THSD4: variants seen among roughly 807,000 people sequenced by gnomAD.
THSD4 encodes thrombospondin type-1 domain-containing protein 4.
Under a neutral mutation model 119.0 loss-of-function variants are expected in THSD4, and 69 were observed. The ratio of observed to expected loss-of-function variants is 0.58; its 90% CI spans 0.48 to 0.71. THSD4 has a LOEUF of 0.71. Ranked by LOEUF, THSD4 falls within the 30% of genes least tolerant of loss-of-function variation. The probability of loss-of-function intolerance (pLI) is 0.00; values close to 1 mark genes in which losing one functional copy is unlikely to be tolerated. For missense variants in THSD4, 1,393 were observed against 1,391.1 expected (o/e 1.00, Z -0.02); for synonymous variants, 524 against 540.4 (o/e 0.97, Z 0.42).
At chr15:71,586,881 A>C (rs1217018618) in intron 7 of THSD4, among the ~76,000 whole-genome samples, 1 of 152,208 alleles carries the variant, frequency 6.6e-6, no homozygotes, top group South Asian at 2.1e-4. Context: ...TATCACAACC[A>C]ACAAGCATTA....
At chr15:71,312,825 T>G (rs2045131143) in intron 6 of THSD4, among the ~76,000 whole-genome samples, 1 of 152,172 alleles carries the variant, frequency 6.6e-6, no homozygotes, top group Non-Finnish European at 1.5e-5. Flanking sequence ...GATCTTCCTA[T>G]GGCTTCCTCC....
chr15:71,576,490 A>G (rs796839524), intron 7 of THSD4, among the ~76,000 whole-genome samples: 4 of 152,342 alleles, frequency 2.6e-5, no homozygotes, highest in African/African-American at 9.6e-5. Flanking sequence ...CCAGAAAGCT[A>G]CATTCTGCTA....
chr15:71,379,748 G>A (rs149528037), intron 6 of THSD4, among the ~76,000 whole-genome samples: 7,584 of 151,890 alleles, frequency 0.05, 241 homozygotes, highest in African/African-American at 0.08. Context: ...GTGAGCCACC[G>A]CGCCCGGCCA....
chr15:71,304,672 G>A (rs2044999140), intron 6 of THSD4, among the ~76,000 whole-genome samples: 1 of 152,144 alleles, frequency 6.6e-6, no homozygotes, highest in Admixed American at 6.5e-5. Flanking sequence ...TGGTTTTGAA[G>A]ATGCCTAAAG....
At position 71,620,353 on chromosome 15, in the gene THSD4, G is replaced by T. The variant is rs189352425; in HGVS notation, c.1153-40177G>T. The stretch of plus-strand genomic sequence containing the variant: ...CATGCCTGTAATCCCAGAGTTTCAA[G>T]GGGACAAGGTGAGAGGATTGCTTGA... On this transcript the variant is annotated intron_variant, in intron 7 of 17. Coordinates refer to ENST00000261862, the MANE Select transcript of THSD4 (RefSeq NM_024817.3). 2.2e-3 allele frequency among the ~76,000 whole-genome samples: 331 copies of T among 152,250 alleles called. 2 individuals are homozygous for T. The highest frequency in any genetic ancestry group is 7.7e-3 in the African/African-American group (318 of 41,544).
At chr15:71,736,169 G>A (rs868128446) in intron 10 of THSD4, among the ~76,000 whole-genome samples, 1 of 54,008 alleles carries the variant, frequency 1.9e-5, no homozygotes, top group African/African-American at 5.3e-5. Flanking sequence ...CTCTGTCTCT[G>A]TCTCTCTCAC....
chr15:71,251,412 C>A (rs2044257694), intron 5 of THSD4, among the ~76,000 whole-genome samples: 1 of 152,120 alleles, frequency 6.6e-6, no homozygotes, highest in South Asian at 2.1e-4. Flanking sequence ...CATAAAAACC[C>A]CTGGGGATTG....
At chr15:71,759,719 C>G (rs1304476249) in intron 15 of THSD4, among the ~76,000 whole-genome samples, 1 of 152,174 alleles carries the variant, frequency 6.6e-6, no homozygotes, top group African/African-American at 2.4e-5. Context: ...TACAATCGAA[C>G]TCATATGTCT....
intron 16 of THSD4, chr15:71,767,782 G>C (rs2053739186): frequency 1.3e-5 from 2 of 152,162 alleles, no homozygotes; most frequent in Admixed American, 1.3e-4. Flanking sequence ...TTCCAGATCT[G>C]GGGCAGCATA....
At chr15:71,541,800 G>A (rs8029905) in intron 7 of THSD4, among the ~76,000 whole-genome samples, 1 of 152,172 alleles carries the variant, frequency 6.6e-6, no homozygotes, top group African/African-American at 2.4e-5. Context: ...GTGAGGATGG[G>A]GGAATGACCT....
At chr15:71,741,365 T>C (rs1395246938) in intron 11 of THSD4, among the ~76,000 whole-genome samples, 9 of 152,084 alleles carry the variant, frequency 5.9e-5, no homozygotes, top group Non-Finnish European at 1.3e-4. Flanking sequence ...TGGTGATGCA[T>C]GCATGTAATC....
chr15:71,503,718 T>G (rs144167996), intron 7 of THSD4, among the ~76,000 whole-genome samples: 195 of 152,272 alleles, frequency 1.3e-3, no homozygotes, highest in African/African-American at 4.3e-3. Context: ...GCTATACCTC[T>G]CTACAGACCT....
chr15:71,671,368 T>C (rs970289920), intron 8 of THSD4, among the ~76,000 whole-genome samples: 16 of 152,232 alleles, frequency 1.1e-4, no homozygotes, highest in African/African-American at 3.4e-4. Context: ...AAGTTCTTTG[T>C]AGATTCTGGA....
At chr15:71,198,365 ACT>A (rs2043738227) in intron 3 of THSD4, among the ~76,000 whole-genome samples, 2 of 152,216 alleles carry the variant, frequency 1.3e-5, no homozygotes, top group Non-Finnish European at 2.9e-5. Flanking sequence ...GGCACAGAAG[ACT>A]GTGCTGCCCA....
chr15:71,331,289 A>G (rs934369439), intron 6 of THSD4, among the ~76,000 whole-genome samples: 11 of 152,188 alleles, frequency 7.2e-5, no homozygotes, highest in Admixed American at 3.9e-4. Flanking sequence ...GGATAGGCCA[A>G]GAAAATTTGG....
At chr15:71,724,297 TCCCCCCAAGATGGAA>T (rs2052791993) in intron 8 of THSD4, among the ~76,000 whole-genome samples, 15 of 41,572 alleles carry the variant, frequency 3.6e-4, no homozygotes, top group Admixed American at 8.4e-4. Context: ...ATTTTTTTTT[TCCCCCCAAGATGGAA>T]TTTTGCTCTG....
chr15:71,252,507 G>A (rs1463539305), intron 5 of THSD4, among the ~76,000 whole-genome samples: 2 of 152,244 alleles, frequency 1.3e-5, no homozygotes, highest in Non-Finnish European at 2.9e-5. Flanking sequence ...CAGCCACTTC[G>A]CCAGGCCTCG....
At chr15:71,719,672 A>T (rs948714934) in intron 8 of THSD4, among the ~76,000 whole-genome samples, 5 of 152,164 alleles carry the variant, frequency 3.3e-5, no homozygotes, top group Admixed American at 3.3e-4. Flanking sequence ...TTGAAATACA[A>T]TTATCAAAAC....
At chr15:71,683,615 C>A (rs7163924) in intron 8 of THSD4, among the ~76,000 whole-genome samples, 25,121 of 152,162 alleles carry the variant, frequency 0.17, 2,139 homozygotes, top group African/African-American at 0.22. Flanking sequence ...CCTTGAATTC[C>A]AACCTGATTC....
Sources: allele counts gnomAD v4.1 joint callset (sites outside exome capture counted in the v4.1 genomes callset), GRCh38; gene constraint gnomAD v4.1.1; transcripts MANE v1.5; gene names NCBI Gene and HGNC (gene_info 2026-07-23, HGNC 2026-07-21).